The following CXXC5 variants were observed in gnomAD, a reference collection of about 807,000 sequenced individuals.
CXXC5 encodes the protein CXXC finger protein 5, also known as CXXC-type zinc finger protein 5.
In CXXC5, 2 loss-of-function variants were observed where a neutral mutation model predicts 17.6. That is an observed-to-expected ratio of 0.11 (90% CI 0.05 to 0.36). The LOEUF (loss-of-function observed/expected upper bound fraction) is 0.36, where lower values mean the gene tolerates loss of function less well. CXXC5 is among the 10% of genes least tolerant of loss of function. The pLI is 1.00. For missense variants in CXXC5, 343 were observed against 458.3 expected, an observed-to-expected ratio of 0.75 and a Z score of 2.30; for synonymous variants, 171 against 193.0, an observed-to-expected ratio of 0.89 and a Z score of 0.94.
chr5:139,652,090 C>CT (rs1426716503), intron 1 of CXXC5, among the ~76,000 whole-genome samples: 1 of 150,356 alleles, frequency 6.7e-6, no homozygotes, highest in African/African-American at 2.4e-5. Context: ...TCCCTCTTTT[C>CT]TTTTTTCTGG....
chr5:139,652,054 G>A (rs982936790), intron 1 of CXXC5, among the ~76,000 whole-genome samples: 2 of 151,668 alleles, frequency 1.3e-5, no homozygotes, highest in Non-Finnish European at 2.9e-5. Context: ...CCGTTTCCCC[G>A]CCCCCTGGGG....
intron 1 of CXXC5, among the ~76,000 whole-genome samples, chr5:139,676,768 T>G (rs1317632232): frequency 1.3e-5 from 2 of 151,220 alleles, no homozygotes; most frequent in African/African-American, 4.9e-5. Flanking sequence ...GGACAAGGTG[T>G]CCTGGGTCCC....
In CXXC5 at chr5:139,668,327, G is replaced by A. The variant is rs1189539899; in HGVS notation, c.-160-12037G>A. ...CAGGCCTTCCCAGGCTGCCCGTCCC[G>A]CCGCGGCTCAGGGCGCCTCCCGGCT... On this transcript the variant is annotated intron_variant, in intron 1 of 2. Transcript: ENST00000302517. This position sits in a 1 kb window ranked among gnomAD's most constrained non-coding sequence, Gnocchi z 4.1. Among the ~76,000 whole-genome samples the A allele has an allele frequency of 1.3e-5, 2 of 152,040 alleles. No individual in the cohort carries two copies. The highest frequency in any genetic ancestry group is 2.9e-5 in the Non-Finnish European group (2 of 67,958).
rs1321621551 is a variant in CXXC5, at chr5:139,661,273, C to A, written c.-161+12428C>A. On this transcript the variant is annotated intron_variant, in intron 1 of 2. Transcript: ENST00000302517. The surrounding 1 kb of genome is among the most constrained non-coding windows in gnomAD (Gnocchi z 4.7). Reference sequence around the variant, plus strand: ...GGATTAGCTCAGGAGACGTGAGTCACCCCATCCCCAGCAGCCCCGAGAGGC... The same window carrying A: ...GGATTAGCTCAGGAGACGTGAGTCAACCCATCCCCAGCAGCCCCGAGAGGC... 6.6e-6 allele frequency among the ~76,000 whole-genome samples: 1 copy of A among 152,200 alleles called. No individual in the cohort carries two copies. Among genetic ancestry groups the A allele is most frequent in the African/African-American group, 2.4e-5 (1 of 41,456 alleles).
At chr5:139,652,915 T>G (rs975248508) in intron 1 of CXXC5, among the ~76,000 whole-genome samples, 2 of 152,160 alleles carry the variant, frequency 1.3e-5, no homozygotes, top group African/African-American at 4.8e-5. Context: ...GTGTCTGAAT[T>G]GTGAATGTGG....
rs1755801704 is a variant in CXXC5 at position 139,661,379 on chromosome 5, C to T, written c.-161+12534C>T. Among the ~76,000 whole-genome samples the T allele has an allele frequency of 6.6e-6, 1 of 152,128 alleles. No homozygotes were observed. Among genetic ancestry groups the T allele is most frequent in the Non-Finnish European group, 1.5e-5 (1 of 68,018 alleles). ...GGCACACACTTAGGACAGACACAGT[C>T]ACTTGCAGCACACGTAGTTCCACAC... On this transcript the variant is annotated intron_variant, in intron 1 of 2. Coordinates refer to ENST00000302517, the MANE Select transcript of CXXC5 (RefSeq NM_016463.9). The surrounding 1 kb of genome is among the most constrained non-coding windows in gnomAD (Gnocchi z 4.7).
At chr5:139,653,538 G>A (rs1755323378) in intron 1 of CXXC5, among the ~76,000 whole-genome samples, 1 of 152,150 alleles carries the variant, frequency 6.6e-6, no homozygotes, top group South Asian at 2.1e-4. Context: ...TTCCCTGGGG[G>A]AGGATTCCCA....
At chr5:139,671,036 G>A (rs1039369225) in intron 1 of CXXC5, among the ~76,000 whole-genome samples, 8 of 152,222 alleles carry the variant, frequency 5.3e-5, no homozygotes, top group Non-Finnish European at 2.9e-5. Context: ...TTTGTCCCCC[G>A]AAATACTGGG....
intron 1 of CXXC5, among the ~76,000 whole-genome samples, chr5:139,654,393 A>G (rs2126744898): frequency 6.6e-6 from 1 of 152,308 alleles, no homozygotes; most frequent in Non-Finnish European, 1.5e-5. Context: ...TACAAACCTC[A>G]GTTTCCTAAT....
chr5:139,682,976 C>T lies in CXXC5; in HGVS notation c.*69C>T, dbSNP rs982303569. 44 of 1,398,828 alleles carry T rather than the reference C, an allele frequency of 3.1e-5. No homozygotes were observed. The highest frequency in any genetic ancestry group is 3.6e-5 in the Non-Finnish European group (38 of 1,048,356). 86.7% of individuals were successfully genotyped at this position (1,398,828 alleles called of 1,614,324 possible). On this transcript the variant is annotated 3_prime_UTR_variant, in exon 3 of 3. Transcript: ENST00000302517. Reference sequence around the variant, plus strand: ...CTCGTGTGGTCTCCAGCAAGGGATTCGGGCGAAGACAAACGGATGCACCCG... The same window carrying T: ...CTCGTGTGGTCTCCAGCAAGGGATTTGGGCGAAGACAAACGGATGCACCCG...
In CXXC5 at chr5:139,651,809, C is replaced by T. The variant is rs549337194; in HGVS notation, c.-161+2964C>T. Reference sequence around the variant, plus strand: ...TAGAGCCCCTGTCTGGTGGCTTGATCATTTAGTCCGAATTAACAAGCATGA... The same window carrying T: ...TAGAGCCCCTGTCTGGTGGCTTGATTATTTAGTCCGAATTAACAAGCATGA... On this transcript the variant is annotated intron_variant, in intron 1 of 2. Coordinates refer to ENST00000302517, the MANE Select transcript of CXXC5 (RefSeq NM_016463.9). Among the ~76,000 whole-genome samples, 4 of 152,222 alleles carry T rather than the reference C, an allele frequency of 2.6e-5. No individual in the cohort carries two copies. In the South Asian group the frequency reaches 8.3e-4, roughly 32 times the overall value.
At chr5:139,653,640 A>G (rs1463814744) in intron 1 of CXXC5, among the ~76,000 whole-genome samples, 1 of 151,870 alleles carries the variant, frequency 6.6e-6, no homozygotes, top group African/African-American at 2.4e-5. Flanking sequence ...CTTTCCCTGT[A>G]CCCATACTCC....
At chr5:139,648,196 T>A (rs1365764421), upstream of CXXC5, 1 of 121,972 alleles carries the variant, frequency 8.2e-6, no homozygotes, top group Non-Finnish European at 1.6e-5. Context: ...GGCGTCCAAG[T>A]GGCCCGAGCT....
At chr5:139,682,263 A>G (rs1167905783) in intron 2 of CXXC5, among the ~76,000 whole-genome samples, 1 of 152,188 alleles carries the variant, frequency 6.6e-6, no homozygotes, top group East Asian at 1.9e-4. Context: ...GCAAATGTCC[A>G]GAATGGTTGG....
rs796539859 is a variant in CXXC5 at position 139,663,089 on chromosome 5, G to A, written c.-161+14244G>A. Reference sequence around the variant, plus strand: ...GCTGTTCTCAGATGGGGATGCTGAGGTACCTGAGTGAAGAGGCTGAGCTGG... The same window carrying A: ...GCTGTTCTCAGATGGGGATGCTGAGATACCTGAGTGAAGAGGCTGAGCTGG... On this transcript the variant is annotated intron_variant, in intron 1 of 2. Transcript: ENST00000302517. This position sits in a 1 kb window ranked among gnomAD's most constrained non-coding sequence, Gnocchi z 4.2. 1.3e-5 allele frequency among the ~76,000 whole-genome samples: 2 copies of A among 152,162 alleles called. No homozygotes were observed. Among genetic ancestry groups the A allele is most frequent in the African/African-American group, 4.8e-5 (2 of 41,532 alleles).
chr5:139,676,870 T>C (rs571617114), intron 1 of CXXC5, among the ~76,000 whole-genome samples: 2 of 151,852 alleles, frequency 1.3e-5, no homozygotes, highest in South Asian at 4.2e-4. Flanking sequence ...CCAGCTCCCC[T>C]TTTCTCTGAT....
intron 1 of CXXC5, among the ~76,000 whole-genome samples, chr5:139,671,128 C>T (rs995283639): frequency 5.9e-5 from 9 of 152,226 alleles, no homozygotes; most frequent in East Asian, 1.9e-4. Context: ...AAGGACTGCC[C>T]GGCCCCTGCC....
intron 1 of CXXC5, among the ~76,000 whole-genome samples, chr5:139,652,691 G>A (rs1285477571): frequency 1.3e-5 from 2 of 152,206 alleles, no homozygotes; most frequent in Admixed American, 1.3e-4. Context: ...TCCTGATCTA[G>A]AAGTGTGTGG....
At chr5:139,650,868 C>G (rs1453234698) in intron 1 of CXXC5, 2 of 152,132 alleles carry the variant, frequency 1.3e-5, no homozygotes, top group African/African-American at 2.4e-5. Flanking sequence ...AGCAGTTTCC[C>G]TAGATGAGAG....
Sources: gnomAD v4.1 joint callset for allele counts (sites outside exome capture counted in the v4.1 genomes callset) on GRCh38, gnomAD v4.1.1 for gene constraint, Gnocchi (gnomAD v3.1) non-coding constraint, MANE v1.5 for transcripts, NCBI Gene and HGNC (gene_info 2026-07-23, HGNC 2026-07-21) for gene names.